ABL2: variants seen among roughly 807,000 people sequenced by gnomAD.
ABL2 encodes the protein tyrosine-protein kinase ABL2.
In ABL2, 49 loss-of-function variants were observed where a neutral mutation model predicts 107.7. The ratio of observed to expected loss-of-function variants is 0.45; its 90% confidence interval spans 0.36 to 0.58. The LOEUF (loss-of-function observed/expected upper bound fraction) is 0.58. Ranked by LOEUF, ABL2 falls within the 20% of genes least tolerant of loss-of-function variation. The pLI, the probability that ABL2 is intolerant of heterozygous loss-of-function variation, is 0.00. For missense variants in ABL2, 1,245 were observed against 1,457.0 expected (o/e 0.85, Z 2.37); for synonymous variants, 549 against 548.6 (o/e 1.00, Z -0.01).
chr1:179,136,360 T>C (rs1656977492), intron 1 of ABL2, among the ~76,000 whole-genome samples: 1 of 152,072 alleles, frequency 6.6e-6, no homozygotes, highest in Non-Finnish European at 1.5e-5. Context: ...TTTTGTTCTG[T>C]ACTAAGAAAA....
At chr1:179,157,118 A>G (rs1474921360) in intron 1 of ABL2, among the ~76,000 whole-genome samples, 1 of 152,112 alleles carries the variant, frequency 6.6e-6, no homozygotes, top group Non-Finnish European at 1.5e-5. Context: ...AACAACCTAA[A>G]ATGCTCCAAA....
intron 1 of ABL2, among the ~76,000 whole-genome samples, chr1:179,179,604 T>C (rs12126360): frequency 0.095 from 14,374 of 151,978 alleles, 719 homozygotes; most frequent in African/African-American, 0.12. Flanking sequence ...GCTATTATAA[T>C]ACAGAGATAT....
At chr1:179,198,963 C>T (rs1412979290) in intron 1 of ABL2, among the ~76,000 whole-genome samples, 1 of 151,312 alleles carries the variant, frequency 6.6e-6, no homozygotes. Context: ...TGCCTCAGCC[C>T]CCCTAGTAGC....
chr1:179,224,860 A>T (rs2124873854), intron 1 of ABL2, among the ~76,000 whole-genome samples: 1 of 151,772 alleles, frequency 6.6e-6, no homozygotes, highest in Non-Finnish European at 1.5e-5. Flanking sequence ...TACAAAAAAA[A>T]AAAAAAAAAC....
intron 1 of ABL2, among the ~76,000 whole-genome samples, chr1:179,142,167 T>C (rs1190345931): frequency 1.3e-5 from 2 of 152,224 alleles, no homozygotes; most frequent in African/African-American, 2.4e-5. Context: ...TATCTTCCAT[T>C]ATTCACTGCT....
In ABL2 at chr1:179,109,384, CTT is replaced by C. The variant is rs760797396; in HGVS notation, c.1881_1882del (p.Asp629GlnfsTer19). The C allele has an allele frequency of 2.5e-6, 4 of 1,613,966 alleles. No homozygotes were observed. The highest frequency in any genetic ancestry group is 1.7e-5 in the Admixed American group (1 of 59,982). On this transcript the variant is annotated frameshift_variant, in exon 12 of 12. Transcript: ENST00000502732. LOFTEE classifies it high-confidence loss of function. ...CAAGAGGCTGCTGGGTGACTTGTCT[CTT>C]TGCTTTCGAGGCAGTGCTGGGGATC... is the stretch of plus-strand genomic sequence containing the variant.
intron 10 of ABL2, chr1:179,110,906 A>T (rs1299258663): frequency 8.7e-6 from 14 of 1,607,886 alleles, no homozygotes; most frequent in Admixed American, 1.7e-5. Context: ...CCTGTCCCCA[A>T]ATAGCGATAC....
intron 1 of ABL2, among the ~76,000 whole-genome samples, chr1:179,143,802 T>TTA (rs1657798377): frequency 6.6e-6 from 1 of 152,184 alleles, no homozygotes; most frequent in Admixed American, 6.5e-5. Flanking sequence ...GTTCAAGTGA[T>TTA]TATCCTGCCT....
chr1:179,116,312 T>C (rs914345364), intron 8 of ABL2, among the ~76,000 whole-genome samples: 6 of 150,634 alleles, frequency 4.0e-5, no homozygotes, highest in African/African-American at 1.5e-4. Flanking sequence ...AGATGGGAGG[T>C]TGCAGTGAGC....
At chr1:179,190,077 A>G (rs1660913405) in intron 1 of ABL2, among the ~76,000 whole-genome samples, 1 of 152,036 alleles carries the variant, frequency 6.6e-6, no homozygotes, top group Non-Finnish European at 1.5e-5. Context: ...TCGGCCTCCC[A>G]AAGTGCTGGG....
At chr1:179,156,014 T>C (rs1158580377) in intron 1 of ABL2, among the ~76,000 whole-genome samples, 1 of 152,168 alleles carries the variant, frequency 6.6e-6, no homozygotes, top group Non-Finnish European at 1.5e-5. Flanking sequence ...TCTTATAAAG[T>C]TTCCCTAACC....
At chr1:179,198,627 A>C (rs980972050) in intron 1 of ABL2, among the ~76,000 whole-genome samples, 1 of 127,194 alleles carries the variant, frequency 7.9e-6, no homozygotes, top group Non-Finnish European at 1.6e-5. Context: ...AGGGGGGCAG[A>C]GGCTGCAGTG....
chr1:179,157,194 T>C (rs1022064196), intron 1 of ABL2, among the ~76,000 whole-genome samples: 4 of 152,064 alleles, frequency 2.6e-5, no homozygotes, highest in Non-Finnish European at 5.9e-5. Context: ...TTTAGGATTT[T>C]GGATATTCAA....
chr1:179,160,484 A>G (rs1470847348), intron 1 of ABL2, among the ~76,000 whole-genome samples: 1 of 152,174 alleles, frequency 6.6e-6, no homozygotes, highest in Admixed American at 6.5e-5. Context: ...TATAATTATT[A>G]GATTAGTATG....
chr1:179,165,856 C>T (rs1659346957), intron 1 of ABL2, among the ~76,000 whole-genome samples: 1 of 151,624 alleles, frequency 6.6e-6, no homozygotes, highest in Middle Eastern at 3.4e-3. Context: ...AGTGTAGTGG[C>T]GCGACCTTGG....
In ABL2 at chr1:179,136,084, TG is replaced by T. The variant is rs560019418; in HGVS notation, c.158-2711del. Among the ~76,000 whole-genome samples the T allele has an allele frequency of 6.9e-5, 8 of 116,574 alleles. No individual in the cohort carries two copies. In the Middle Eastern group the frequency reaches 0.015, roughly 223 times the overall value. 76.5% of individuals were successfully genotyped at this position (116,574 alleles called of 152,430 possible). On this transcript the variant is annotated intron_variant, in intron 1 of 11. Transcript: ENST00000502732. ...CCAGCCGCCCCGTCCAGGAGGGAGGTGGGGGGGGTCAGCCCCCCGTCCGGCC... is the reference window on the plus strand; with the variant it reads ...CCAGCCGCCCCGTCCAGGAGGGAGGTGGGGGGGTCAGCCCCCCGTCCGGCC...
At position 179,107,573 on chromosome 1, in the gene ABL2, C is replaced by T. The variant is rs1653551091; in HGVS notation, c.*145G>A. On this transcript the variant is annotated 3_prime_UTR_variant, in exon 12 of 12. Transcript: ENST00000502732. ...CTTATTTTTGAGATGAAACTGTAAA[C>T]GTGAGAACTCAGGGATCTGAGGTAC... 41 of 1,431,366 alleles carry T rather than the reference C, an allele frequency of 2.9e-5. No homozygotes were observed. The highest frequency in any genetic ancestry group is 4.4e-5 in the South Asian group (3 of 67,464). 88.7% of individuals were successfully genotyped at this position (1,431,366 alleles called of 1,614,324 possible).
chr1:179,126,772 AG>A lies in ABL2; in HGVS notation c.392-101del, dbSNP rs1655762245. The stretch of plus-strand genomic sequence containing the variant: ...ACTTTAAACTCATTAAAAAAAAAAA[AG>A]AATCTAGAACTTTTATGCCAAATTT... On this transcript the variant is annotated intron_variant, in intron 3 of 11. Coordinates refer to ENST00000502732, the MANE Select transcript of ABL2 (RefSeq NM_007314.4). This position sits in a 1 kb window ranked among gnomAD's most constrained non-coding sequence, Gnocchi z 4.4. The A allele has an allele frequency of 8.2e-7, 1 of 1,225,712 alleles. No individual in the cohort carries two copies. The highest frequency in any genetic ancestry group is 1.1e-6 in the Non-Finnish European group (1 of 911,564). 75.9% of individuals were successfully genotyped at this position (1,225,712 alleles called of 1,614,324 possible).
At chr1:179,208,608 A>G (rs1315091781) in intron 1 of ABL2, among the ~76,000 whole-genome samples, 3 of 152,234 alleles carry the variant, frequency 2.0e-5, no homozygotes, top group African/African-American at 7.2e-5. Context: ...GAATTGGGAA[A>G]CAACAAAACT....
Sources: allele counts gnomAD v4.1 joint callset (sites outside exome capture counted in the v4.1 genomes callset), GRCh38; gene constraint gnomAD v4.1.1; non-coding constraint Gnocchi (gnomAD v3.1); transcripts MANE v1.5; gene names NCBI Gene and HGNC (gene_info 2026-07-23, HGNC 2026-07-21).